SNX8: variants seen among roughly 807,000 people sequenced by gnomAD.
The protein encoded by SNX8 is sorting nexin 8.
Under a neutral mutation model 51.6 loss-of-function variants are expected in SNX8, and 25 were observed. That is an observed-to-expected ratio of 0.48 (90% CI 0.35 to 0.68). The LOEUF (loss-of-function observed/expected upper bound fraction) is 0.68. Among genes scored for constraint, SNX8 ranks in the 30% least tolerant of loss-of-function variants. The pLI is 0.00. For missense variants in SNX8, 695 were observed against 624.0 expected (o/e 1.11, Z -1.21); for synonymous variants, 324 against 277.0 (o/e 1.17, Z -1.68).
At chr7:2,313,184 C>G (rs1796692255) in intron 1 of SNX8, among the ~76,000 whole-genome samples, 1 of 151,970 alleles carries the variant, frequency 6.6e-6, no homozygotes, top group South Asian at 2.1e-4. Context: ...CAAGCGTGAG[C>G]CACCGTGCCC....
At chr7:2,309,017 G>T (rs546530183) in intron 1 of SNX8, among the ~76,000 whole-genome samples, 1 of 152,094 alleles carries the variant, frequency 6.6e-6, no homozygotes, top group South Asian at 2.1e-4. Context: ...TTGAATTCCT[G>T]ACCTCAGGTG....
intron 3 of SNX8, among the ~76,000 whole-genome samples, chr7:2,273,157 T>A (rs2115125117): frequency 6.6e-6 from 1 of 152,164 alleles, no homozygotes; most frequent in South Asian, 2.1e-4. Flanking sequence ...TTTTAATGTA[T>A]TAAGAAATAC....
At chr7:2,333,906 G>T (rs1778781489) in intron 1 of SNX8, among the ~76,000 whole-genome samples, 1 of 152,034 alleles carries the variant, frequency 6.6e-6, no homozygotes, top group Non-Finnish European at 1.5e-5. Flanking sequence ...GGAGGCCAAG[G>T]CGGGAGGATC....
intron 1 of SNX8, among the ~76,000 whole-genome samples, chr7:2,346,751 A>AC (rs1263062963): frequency 1.3e-5 from 2 of 149,424 alleles, no homozygotes; most frequent in African/African-American, 2.5e-5. Flanking sequence ...AAAAAAAAAA[A>AC]AAAAAAAAAC....
chr7:2,273,476 C>G (rs1795697198), intron 3 of SNX8, among the ~76,000 whole-genome samples: 1 of 151,020 alleles, frequency 6.6e-6, no homozygotes, highest in South Asian at 2.1e-4. Context: ...GTCCCAGCTA[C>G]TTGGGAGACT....
intron 1 of SNX8, among the ~76,000 whole-genome samples, chr7:2,347,928 C>T (rs1056954788): frequency 1.3e-5 from 2 of 152,050 alleles, no homozygotes; most frequent in Non-Finnish European, 1.5e-5. Context: ...AGGCGTGAGC[C>T]ACCACGCCTG....
At chr7:2,304,940 G>A (rs1001938824) in intron 1 of SNX8, among the ~76,000 whole-genome samples, 1 of 152,210 alleles carries the variant, frequency 6.6e-6, no homozygotes, top group African/African-American at 2.4e-5. Context: ...ACTGTGCCCA[G>A]TAATGAATAT....
intron 1 of SNX8, among the ~76,000 whole-genome samples, chr7:2,291,822 C>A (rs891691914): frequency 1.3e-5 from 2 of 152,194 alleles, no homozygotes; most frequent in Non-Finnish European, 2.9e-5. Flanking sequence ...CCTTCCTCAA[C>A]CTGTCTCATT....
At chr7:2,265,289 G>A (rs988744107) in intron 5 of SNX8, among the ~76,000 whole-genome samples, 1 of 152,116 alleles carries the variant, frequency 6.6e-6, no homozygotes, top group African/African-American at 2.4e-5. Context: ...GCAGTGAGCT[G>A]CGATCACACC....
At chr7:2,264,503 A>C (rs1795418891) in intron 5 of SNX8, 45 bp from the exon 6 acceptor site, 4 of 1,571,624 alleles carry the variant, frequency 2.5e-6, no homozygotes, top group Non-Finnish European at 3.5e-6. Context: ...GTCGCTGGGG[A>C]GCACCTGTCA....
intron 1 of SNX8, among the ~76,000 whole-genome samples, chr7:2,329,400 T>C (rs1778688630): frequency 6.6e-6 from 1 of 152,246 alleles, no homozygotes; most frequent in African/African-American, 2.4e-5. Flanking sequence ...CAGCACCCTA[T>C]TGCCGGCCTA....
At chr7:2,327,182 T>C (rs1444479690) in intron 1 of SNX8, among the ~76,000 whole-genome samples, 1 of 152,076 alleles carries the variant, frequency 6.6e-6, no homozygotes, top group Non-Finnish European at 1.5e-5. Flanking sequence ...GCCTCTGTCA[T>C]CACACAGCTG....
chr7:2,351,383 C>T lies in SNX8; in HGVS notation c.-66+2839G>A, dbSNP rs546340451. 5.9e-5 allele frequency among the ~76,000 whole-genome samples: 9 copies of T among 152,262 alleles called. No individual in the cohort carries two copies. The East Asian group carries it at 9.6e-4, about 16-fold the overall frequency. On this transcript the variant is annotated intron_variant, in intron 1 of 5. Transcript: ENST00000435336. ...ACTGAGCAACATAGTGAGACCCCAT[C>T]TCTACAGAAAAACAAAAAGGTAGCC...
At chr7:2,313,354 C>T (rs768408429) in intron 1 of SNX8, among the ~76,000 whole-genome samples, 4 of 151,350 alleles carry the variant, frequency 2.6e-5, no homozygotes, top group Admixed American at 1.3e-4. Flanking sequence ...GGTGAAACTC[C>T]GTCTCTACTA....
chr7:2,294,585 G>A (rs1252885968), intron 1 of SNX8, among the ~76,000 whole-genome samples: 1 of 152,204 alleles, frequency 6.6e-6, no homozygotes, highest in East Asian at 1.9e-4. Context: ...GACAGAACAT[G>A]TACCAGGCTA....
chr7:2,321,427 CTTTTT>C (rs903598248), intron 1 of SNX8, among the ~76,000 whole-genome samples: 2 of 139,536 alleles, frequency 1.4e-5, no homozygotes, highest in Non-Finnish European at 3.1e-5. Flanking sequence ...AATGGAATTT[CTTTTT>C]TTTTTTTTTT....
intron 1 of SNX8, among the ~76,000 whole-genome samples, chr7:2,298,073 G>C (rs563547142): frequency 6.6e-6 from 1 of 152,084 alleles, no homozygotes; most frequent in Admixed American, 6.6e-5. Flanking sequence ...CACAAAAAAT[G>C]TTAAAGCACC....
intron 4 of SNX8, 46 bp downstream of exon 4, chr7:2,271,804 C>A: frequency 6.4e-7 from 1 of 1,561,262 alleles, no homozygotes; most frequent in Non-Finnish European, 8.7e-7. Context: ...TCCGGAGGCT[C>A]GGGGACTCCC....
chr7:2,324,399 T>G (rs1778591602), intron 1 of SNX8, among the ~76,000 whole-genome samples: 1 of 151,132 alleles, frequency 6.6e-6, no homozygotes, highest in Non-Finnish European at 1.5e-5. Context: ...CAAACAATTC[T>G]CCTGCCTCAG....
Sources: allele counts gnomAD v4.1 joint callset (sites outside exome capture counted in the v4.1 genomes callset), GRCh38; gene constraint gnomAD v4.1.1; transcripts MANE v1.5; gene names NCBI Gene and HGNC (gene_info 2026-07-23, HGNC 2026-07-21).